The following SIPA1L1 variants were observed in gnomAD, a reference collection of about 807,000 sequenced individuals.
The protein encoded by SIPA1L1 is signal induced proliferation associated 1 like 1.
A neutral mutation model predicts 162.7 loss-of-function variants in SIPA1L1; 26 were observed. That is an observed-to-expected ratio of 0.16 (90% confidence interval 0.12 to 0.22). The LOEUF (loss-of-function observed/expected upper bound fraction) is 0.22. SIPA1L1 is among the 10% of genes least tolerant of loss of function. The pLI, the probability that SIPA1L1 is intolerant of heterozygous loss-of-function variation, is 1.00. For synonymous variants in SIPA1L1, 829 were observed against 837.4 expected (o/e 0.99, Z 0.17); for missense variants, 1,874 against 2,241.0 (o/e 0.84, Z 3.31).
intron 2 of SIPA1L1, among the ~76,000 whole-genome samples, chr14:71,506,401 C>A (rs925682936): frequency 6.6e-6 from 1 of 152,074 alleles, no homozygotes; most frequent in Non-Finnish European, 1.5e-5. Flanking sequence ...AGTGCAGTGG[C>A]GTGATCTCGG....
At chr14:71,478,339 A>C (rs1173897153) in intron 2 of SIPA1L1, among the ~76,000 whole-genome samples, 1 of 152,084 alleles carries the variant, frequency 6.6e-6, no homozygotes, top group African/African-American at 2.4e-5. Context: ...TCATTTGCTT[A>C]ATAGTGTATT....
intron 13 of SIPA1L1, among the ~76,000 whole-genome samples, chr14:71,695,689 C>T (rs934263772): frequency 9.9e-5 from 15 of 152,224 alleles, no homozygotes; most frequent in African/African-American, 3.6e-4. Flanking sequence ...TTAATCTTCA[C>T]TGGGTTAACA....
At chr14:71,686,439 A>G (rs2080870825) in intron 13 of SIPA1L1, among the ~76,000 whole-genome samples, 1 of 152,272 alleles carries the variant, frequency 6.6e-6, no homozygotes, top group Admixed American at 6.5e-5. Flanking sequence ...ACAGATTTTA[A>G]GTAATTGCAC....
chr14:71,326,900 CAG>C lies in SIPA1L1; in HGVS notation c.-465+5720_-465+5721del, dbSNP rs1317481753. On this transcript the variant is annotated intron_variant, in intron 2 of 23. Coordinates refer to ENST00000381232, the MANE Select transcript of SIPA1L1 (RefSeq NM_001386936.1). The stretch of plus-strand genomic sequence containing the variant: ...CTAATTTTTGTTTTTTTAGTAAAGA[CAG>C]GGTTTCGCCATGTTGGCCAGGCTGG... Among the ~76,000 whole-genome samples, 12 of 148,876 alleles carry C rather than the reference CAG, an allele frequency of 8.1e-5. No homozygotes were observed. In the East Asian group the frequency reaches 2.4e-3, roughly 30 times the overall value.
intron 2 of SIPA1L1, among the ~76,000 whole-genome samples, chr14:71,384,994 C>T (rs775684126): frequency 1.3e-5 from 2 of 151,982 alleles, no homozygotes. Flanking sequence ...GAGAGGACAG[C>T]GATAAAGGAC....
intron 2 of SIPA1L1, chr14:71,400,966 C>T (rs902361604): frequency 6.6e-6 from 1 of 152,190 alleles, no homozygotes; most frequent in South Asian, 2.1e-4. Flanking sequence ...AATTTATGTA[C>T]CTCCCATTTT....
At chr14:71,483,912 G>A (rs1299956753) in intron 2 of SIPA1L1, among the ~76,000 whole-genome samples, 2 of 152,096 alleles carry the variant, frequency 1.3e-5, no homozygotes, top group South Asian at 2.1e-4. Context: ...CTCTGACATC[G>A]CTAGGTTGGG....
intron 8 of SIPA1L1, among the ~76,000 whole-genome samples, chr14:71,656,332 T>A (rs2149171088): frequency 1.2e-5 from 1 of 84,214 alleles, no homozygotes; most frequent in Non-Finnish European, 2.4e-5. Context: ...TGAATACCAA[T>A]GACATTTTTT....
rs571072670 is a variant in SIPA1L1, at chr14:71,417,123, C to T, written c.-464-95620C>T. 3.9e-5 allele frequency among the ~76,000 whole-genome samples: 6 copies of T among 152,124 alleles called. No homozygotes were observed. In the East Asian group the frequency reaches 9.7e-4, roughly 24 times the overall value. On this transcript the variant is annotated intron_variant, in intron 2 of 23. Transcript: ENST00000381232. ...AGTTGACCAGAAGCCTTACCAATAACATGAACAGTTGAATAACATGCATTT... is the reference window on the plus strand; with the variant it reads ...AGTTGACCAGAAGCCTTACCAATAATATGAACAGTTGAATAACATGCATTT...
intron 13 of SIPA1L1, among the ~76,000 whole-genome samples, chr14:71,688,531 A>G (rs1252457347): frequency 6.6e-6 from 1 of 152,186 alleles, no homozygotes; most frequent in Non-Finnish European, 1.5e-5. Context: ...ACCTTAGAAT[A>G]TAATTTCCTT....
chr14:71,649,379 AC>A (rs2042436883), intron 7 of SIPA1L1, among the ~76,000 whole-genome samples: 1 of 151,988 alleles, frequency 6.6e-6, no homozygotes. Context: ...TTTTGTAGAG[AC>A]AGGGTTTTGC....
chr14:71,710,928 C>T (rs997197711), intron 17 of SIPA1L1, among the ~76,000 whole-genome samples: 10 of 151,932 alleles, frequency 6.6e-5, no homozygotes, highest in Non-Finnish European at 1.3e-4. Flanking sequence ...CCCAGATAAC[C>T]TTAAGGAGAG....
Position 71,351,021 on chromosome 14 carries a change from T to C in SIPA1L1, c.-465+29840T>C, listed in dbSNP as rs562072601. ...AACTTTGATCTGTGAAATAGTTTTA[T>C]TGTTAACAAATTTATATGTGAAGTT... On this transcript the variant is annotated intron_variant, in intron 2 of 23. Coordinates refer to ENST00000381232, the MANE Select transcript of SIPA1L1 (RefSeq NM_001386936.1). 1.9e-4 allele frequency among the ~76,000 whole-genome samples: 29 copies of C among 152,342 alleles called. 1 individual carries two copies. The highest frequency in any genetic ancestry group is 6.8e-3 in the Middle Eastern group (2 of 294).
chr14:71,376,146 G>T (rs1390283961), intron 2 of SIPA1L1, among the ~76,000 whole-genome samples: 1 of 152,094 alleles, frequency 6.6e-6, no homozygotes, highest in Non-Finnish European at 1.5e-5. Flanking sequence ...GAATTTGCCA[G>T]TGAAATCATA....
intron 4 of SIPA1L1, among the ~76,000 whole-genome samples, chr14:71,575,289 T>C (rs573918239): frequency 6.6e-6 from 1 of 152,268 alleles, no homozygotes; most frequent in African/African-American, 2.4e-5. Flanking sequence ...GCCCTTATCA[T>C]TCAGTGTCTT....
chr14:71,610,445 A>G (rs1203532003), intron 5 of SIPA1L1, among the ~76,000 whole-genome samples: 1 of 152,232 alleles, frequency 6.6e-6, no homozygotes, highest in African/African-American at 2.4e-5. Context: ...GTAGTTTAAC[A>G]TTCTCTTAAC....
chr14:71,345,073 G>A (rs529900190), intron 2 of SIPA1L1, among the ~76,000 whole-genome samples: 20 of 152,100 alleles, frequency 1.3e-4, no homozygotes, highest in Non-Finnish European at 2.6e-4. Context: ...GAAGGCTAAG[G>A]GTAGGAAGGC....
rs143961822 is a variant in SIPA1L1, at chr14:71,733,913, C to T, written c.5008+101C>T. ...CTGGACACACTCAAAACATATGTGC[C>T]TCACCAGATGAGCTATCAGTTACTG... On this transcript the variant is annotated intron_variant, in intron 21 of 23. Transcript: ENST00000381232. 518 of 1,244,322 alleles carry T rather than the reference C, an allele frequency of 4.2e-4. 3 individuals carry two copies. In the East Asian group the frequency reaches 9.4e-3, roughly 23 times the overall value. The allele number at this position is 1,244,322 out of a possible 1,614,324, so 77.1% of individuals were successfully genotyped here. A position where few individuals can be genotyped will look rare whatever the true frequency, so the allele number is the denominator to read the frequency against.
intron 22 of SIPA1L1, among the ~76,000 whole-genome samples, chr14:71,737,324 T>G (rs1407941112): frequency 6.6e-6 from 1 of 152,198 alleles, no homozygotes; most frequent in Non-Finnish European, 1.5e-5. Flanking sequence ...CGGAGTCACT[T>G]AGCTCTTTCC....
Sources: gnomAD v4.1 joint callset for allele counts (sites outside exome capture counted in the v4.1 genomes callset) on GRCh38, gnomAD v4.1.1 for gene constraint, MANE v1.5 for transcripts, NCBI Gene and HGNC (gene_info 2026-07-23, HGNC 2026-07-21) for gene names.